MRRF: variants seen among roughly 807,000 people sequenced by gnomAD.
MRRF encodes the protein mitochondrial ribosome recycling factor.
Under a neutral mutation model 25.1 loss-of-function variants are expected in MRRF, and 18 were observed. That is an observed-to-expected ratio of 0.72 (90% CI 0.50 to 1.06). The LOEUF (loss-of-function observed/expected upper bound fraction) is 1.06, where lower values mean the gene tolerates loss of function less well. MRRF is among the 50% of genes least tolerant of loss of function. The pLI is 0.00. For synonymous variants in MRRF, 113 were observed against 112.1 expected (o/e 1.01, Z -0.05); for missense variants, 323 against 319.3 (o/e 1.01, Z -0.09).
Position 122,322,402 on chromosome 9 carries a change from AG to A in MRRF, c.712-137del, listed in dbSNP as rs377059670. The stretch of plus-strand genomic sequence containing the variant: ...AATGTATATATAAAGTTCTTAGTAC[AG>A]TGCCTGACTGGTACTTAATGTGAAC... On this transcript the variant is annotated intron_variant, in intron 6 of 6. Transcript: ENST00000344641. 6.0e-4 allele frequency: 468 copies of A among 773,996 alleles called. 4 individuals carry two copies. In the African/African-American group the frequency reaches 6.8e-3, roughly 11 times the overall value. 47.9% of individuals were successfully genotyped at this position (773,996 alleles called of 1,614,324 possible). A position where few individuals can be genotyped will look rare whatever the true frequency, so the allele number is the denominator to read the frequency against.
Position 122,322,675 on chromosome 9 carries a change from G to GGATC in MRRF, c.*58_*59insGATC. 1.3e-6 allele frequency: 2 copies of GGATC among 1,484,756 alleles called. No individual in the cohort carries two copies. The highest frequency in any genetic ancestry group is 1.9e-6 in the Non-Finnish European group (2 of 1,065,742). 92.0% of individuals were successfully genotyped at this position (1,484,756 alleles called of 1,614,324 possible). ...CAGTTTCTGCTGGATCCCATGGGTG[G>GGATC]CACATTGGGACTTCTCTCCCTCCCC... On this transcript the variant is annotated 3_prime_UTR_variant, in exon 7 of 7. Coordinates refer to ENST00000344641, the MANE Select transcript of MRRF (RefSeq NM_138777.5).
At chr9:122,270,653 G>T (rs1174526258) in intron 1 of MRRF, among the ~76,000 whole-genome samples, 1 of 152,196 alleles carries the variant, frequency 6.6e-6, no homozygotes, top group African/African-American at 2.4e-5. Flanking sequence ...TTAAATCTCT[G>T]TGAGCCTTAG....
intron 4 of MRRF, among the ~76,000 whole-genome samples, chr9:122,288,018 C>A (rs73663063): frequency 2.0e-5 from 3 of 152,138 alleles, no homozygotes; most frequent in Non-Finnish European, 2.9e-5. Flanking sequence ...TGAGCATTTC[C>A]GTGTCATGCT....
At chr9:122,309,118 T>C (rs1173108057) in intron 5 of MRRF, among the ~76,000 whole-genome samples, 1 of 152,200 alleles carries the variant, frequency 6.6e-6, no homozygotes, top group Admixed American at 6.5e-5. Flanking sequence ...AAGAACTTCA[T>C]GTAAGTGGAA....
At chr9:122,316,857 T>G (rs1835564253) in intron 6 of MRRF, among the ~76,000 whole-genome samples, 1 of 151,774 alleles carries the variant, frequency 6.6e-6, no homozygotes, top group Non-Finnish European at 1.5e-5. Context: ...TAAACATGAT[T>G]GAGAACATAT....
intron 5 of MRRF, among the ~76,000 whole-genome samples, chr9:122,300,177 T>G (rs754621517): frequency 1.3e-5 from 2 of 152,204 alleles, no homozygotes; most frequent in Non-Finnish European, 1.5e-5. Flanking sequence ...CATAAGAACC[T>G]GGCTTTAGTA....
chr9:122,293,440 C>T (rs1833896106), intron 5 of MRRF, among the ~76,000 whole-genome samples: 2 of 152,184 alleles, frequency 1.3e-5, no homozygotes, highest in Non-Finnish European at 2.9e-5. Context: ...TGTACCCATA[C>T]CCATGCAGAC....
chr9:122,283,604 T>A (rs557298263), intron 3 of MRRF, among the ~76,000 whole-genome samples: 1 of 152,234 alleles, frequency 6.6e-6, no homozygotes, highest in Admixed American at 6.5e-5. Context: ...TTCTGTCTTA[T>A]GATGACATTG....
At chr9:122,311,368 C>T (rs1372517888) in intron 5 of MRRF, among the ~76,000 whole-genome samples, 3 of 152,190 alleles carry the variant, frequency 2.0e-5, no homozygotes, top group Admixed American at 6.5e-5. Flanking sequence ...CACTGCACTC[C>T]ACTCTCCATT....
chr9:122,266,607 A>G (rs1832104456), intron 1 of MRRF, among the ~76,000 whole-genome samples: 2 of 152,258 alleles, frequency 1.3e-5, no homozygotes, highest in Non-Finnish European at 2.9e-5. Context: ...GCCTGCGTAT[A>G]TGCACACTCA....
At chr9:122,272,663 T>G (rs1832535857) in intron 2 of MRRF, among the ~76,000 whole-genome samples, 1 of 152,216 alleles carries the variant, frequency 6.6e-6, no homozygotes, top group Non-Finnish European at 1.5e-5. Flanking sequence ...ATATTAGGGA[T>G]GCTCATTCTT....
chr9:122,265,707 G>T, intron 1 of MRRF: 1 of 1,265,816 alleles, frequency 7.9e-7, no homozygotes, highest in Non-Finnish European at 1.0e-6. Context: ...ACAAGTCAGT[G>T]GTAGAGCTGC....
At position 122,328,019 on chromosome 9, in the gene MRRF, G is replaced by T. The variant is rs144302575; in HGVS notation, c.*5402G>T. ...GGGTCTTGCTCTGTCACTCAGGCTG[G>T]ATTTCAGTGGCATGATCTCAGCTCA... On this transcript the variant is annotated 3_prime_UTR_variant, in exon 7 of 7. Coordinates refer to ENST00000344641, the MANE Select transcript of MRRF (RefSeq NM_138777.5). The T allele has an allele frequency of 5.9e-5, 9 of 151,796 alleles. No individual in the cohort carries two copies. Among genetic ancestry groups the T allele is most frequent in the African/African-American group, 2.2e-4 (9 of 41,318 alleles). The allele number at this position is 151,796 out of a possible 1,614,324, so 9.4% of individuals were successfully genotyped here.
chr9:122,273,766 G>A (rs1317067747), intron 2 of MRRF, among the ~76,000 whole-genome samples: 1 of 152,122 alleles, frequency 6.6e-6, no homozygotes. Context: ...CCACAGATTA[G>A]TTTTGTCCTT....
chr9:122,267,108 G>T (rs1232037545), intron 1 of MRRF, among the ~76,000 whole-genome samples: 2 of 146,672 alleles, frequency 1.4e-5, no homozygotes, highest in East Asian at 4.2e-4. Context: ...GGCCGGCGCA[G>T]TGGCTCACGC....
rs1353251503 is a variant in MRRF at position 122,328,135 on chromosome 9, C to A, written c.*5518C>A. The A allele has an allele frequency of 6.6e-6, 1 of 152,074 alleles. No homozygotes were observed. Among genetic ancestry groups the A allele is most frequent in the Admixed American group, 6.6e-5 (1 of 15,264 alleles). 9.4% of individuals were successfully genotyped at this position (152,074 alleles called of 1,614,324 possible). On this transcript the variant is annotated 3_prime_UTR_variant, in exon 7 of 7. Coordinates refer to ENST00000344641, the MANE Select transcript of MRRF (RefSeq NM_138777.5). ...CAGCCACGTGCACCGCCACACCTGG[C>A]TAACTTTTAAAATTATTTGTAGAGA...
intron 3 of MRRF, among the ~76,000 whole-genome samples, chr9:122,282,187 A>G (rs891491889): frequency 1.3e-5 from 2 of 152,296 alleles, no homozygotes; most frequent in Middle Eastern, 3.4e-3. Context: ...TTTCATTACC[A>G]TCTGAACCAA....
chr9:122,270,817 T>C (rs749160570), intron 1 of MRRF, 47 bp from the exon 2 acceptor site: 24 of 1,462,116 alleles, frequency 1.6e-5, no homozygotes, highest in Non-Finnish European at 2.3e-5. Context: ...GCAAGCTTTG[T>C]ACTTAGATCT....
At chr9:122,307,207 T>C (rs1834903704) in intron 5 of MRRF, among the ~76,000 whole-genome samples, 1 of 152,156 alleles carries the variant, frequency 6.6e-6, no homozygotes, top group Non-Finnish European at 1.5e-5. Context: ...TGCTGCTGAT[T>C]TCAGGCCCAT....
Sources: allele counts gnomAD v4.1 joint callset (sites outside exome capture counted in the v4.1 genomes callset), GRCh38; gene constraint gnomAD v4.1.1; transcripts MANE v1.5; gene names NCBI Gene and HGNC (gene_info 2026-07-23, HGNC 2026-07-21).